The following RAB11FIP4 variants were observed in gnomAD, a reference collection of about 807,000 sequenced individuals.
RAB11FIP4 encodes RAB11 family interacting protein 4.
In RAB11FIP4, 23 loss-of-function variants were observed where a neutral mutation model predicts 74.3. The ratio of observed to expected loss-of-function variants is 0.31; its 90% CI spans 0.22 to 0.44. The LOEUF (loss-of-function observed/expected upper bound fraction) is 0.44. Among genes scored for constraint, RAB11FIP4 ranks in the 20% least tolerant of loss-of-function variants. The pLI is 1.00. For missense variants in RAB11FIP4, 630 were observed against 863.9 expected, an observed-to-expected ratio of 0.73 and a Z score of 3.39; for synonymous variants, 360 against 359.9, an observed-to-expected ratio of 1.00 and a Z score of 0.00.
chr17:31,413,721 C>G (rs769091554), intron 1 of RAB11FIP4, among the ~76,000 whole-genome samples: 2 of 152,150 alleles, frequency 1.3e-5, no homozygotes, highest in African/African-American at 4.8e-5. Context: ...CTGTCTGTCT[C>G]CTCTGGGCCC....
At chr17:31,398,133 G>C (rs182856026) in intron 1 of RAB11FIP4, among the ~76,000 whole-genome samples, 3 of 152,200 alleles carry the variant, frequency 2.0e-5, no homozygotes, top group Admixed American at 1.3e-4. Context: ...CCAACTCCGG[G>C]GTTCAAGCGA....
chr17:31,411,926 A>C lies in RAB11FIP4; in HGVS notation c.160-19887A>C, dbSNP rs558687703. ...TGAGACATAGACAGCCCCTCTGGCC[A>C]TCGTCCTTGCCTCAGTCGGGGCTCT... On this transcript the variant is annotated intron_variant, in intron 1 of 14. Coordinates refer to ENST00000621161, the MANE Select transcript of RAB11FIP4 (RefSeq NM_032932.6). 9.2e-5 allele frequency among the ~76,000 whole-genome samples: 14 copies of C among 152,374 alleles called. No individual in the cohort carries two copies. The East Asian group carries it at 2.7e-3, about 29-fold the overall frequency.
At chr17:31,437,419 G>T (rs1168953626) in intron 3 of RAB11FIP4, among the ~76,000 whole-genome samples, 1 of 152,136 alleles carries the variant, frequency 6.6e-6, no homozygotes, top group Admixed American at 6.5e-5. Context: ...TCTCAGGCCC[G>T]GCTCTCTGCG....
chr17:31,499,267 G>A (rs1479167812), intron 3 of RAB11FIP4, among the ~76,000 whole-genome samples: 1 of 152,186 alleles, frequency 6.6e-6, no homozygotes, highest in East Asian at 1.9e-4. Context: ...CTCCAAAGGG[G>A]AGTAAAGAGA....
At chr17:31,446,908 G>A (rs543391238) in intron 3 of RAB11FIP4, among the ~76,000 whole-genome samples, 1 of 152,318 alleles carries the variant, frequency 6.6e-6, no homozygotes, top group South Asian at 2.1e-4. Context: ...CCAGCACTTT[G>A]AGAGGCCCAG....
intron 13 of RAB11FIP4, among the ~76,000 whole-genome samples, chr17:31,529,682 C>T (rs1345665883): frequency 6.6e-6 from 1 of 152,164 alleles, no homozygotes; most frequent in Admixed American, 6.5e-5. Flanking sequence ...CTGCCTGACC[C>T]TGCAGGTGGA....
At chr17:31,399,432 G>C (rs1365682335) in intron 1 of RAB11FIP4, among the ~76,000 whole-genome samples, 1 of 152,102 alleles carries the variant, frequency 6.6e-6, no homozygotes, top group Non-Finnish European at 1.5e-5. Flanking sequence ...TTTATTCTAG[G>C]CCAGGTGTGG....
rs1374093880 is a variant in RAB11FIP4 at position 31,445,530 on chromosome 17, TTTTATA to T, written c.336+11410_336+11415del. 8.8e-3 allele frequency among the ~76,000 whole-genome samples: 323 copies of T among 36,724 alleles called. 10 individuals are homozygous for T. Among genetic ancestry groups the T allele is most frequent in the African/African-American group, 0.045 (315 of 6,994 alleles). 24.1% of individuals were successfully genotyped at this position (36,724 alleles called of 152,430 possible). On this transcript the variant is annotated intron_variant, in intron 3 of 14. Transcript: ENST00000621161. ...AAAATCTACATTCAAATTTTCCCAA[TTTTATA>T]TATATATATATATATATATATATAT...
At chr17:31,515,000 G>GC (rs924960708) in intron 3 of RAB11FIP4, among the ~76,000 whole-genome samples, 4 of 151,728 alleles carry the variant, frequency 2.6e-5, no homozygotes, top group African/African-American at 9.7e-5. Flanking sequence ...GGGGTGGGGG[G>GC]CCCTGCCCTG....
chr17:31,439,360 G>A (rs1234971504), intron 3 of RAB11FIP4, among the ~76,000 whole-genome samples: 2 of 152,154 alleles, frequency 1.3e-5, no homozygotes, highest in African/African-American at 4.8e-5. Context: ...TTTCCCCATG[G>A]CCTTCGCCAA....
chr17:31,400,321 T>C (rs1006158271), intron 1 of RAB11FIP4, among the ~76,000 whole-genome samples: 7 of 152,190 alleles, frequency 4.6e-5, no homozygotes, highest in African/African-American at 1.4e-4. Context: ...ACCTTGCATA[T>C]GTCTTGGAAA....
At chr17:31,520,959 G>A (rs1291193120) in intron 4 of RAB11FIP4, 2 of 373,144 alleles carry the variant, frequency 5.4e-6, no homozygotes, top group African/African-American at 4.1e-5. Flanking sequence ...GAGTAGCATG[G>A]GTAGAATTGG....
intron 1 of RAB11FIP4, among the ~76,000 whole-genome samples, chr17:31,395,198 C>T (rs905477084): frequency 2.6e-5 from 4 of 151,954 alleles, no homozygotes; most frequent in African/African-American, 7.3e-5. Flanking sequence ...AAATAAATAT[C>T]CATGAGGCCA....
At chr17:31,414,902 C>A (rs1165714029) in intron 1 of RAB11FIP4, among the ~76,000 whole-genome samples, 1 of 152,234 alleles carries the variant, frequency 6.6e-6, no homozygotes, top group Admixed American at 6.5e-5. Context: ...ACACAAGGGT[C>A]CAAGGTAGGG....
chr17:31,421,068 G>A (rs1319529802), intron 1 of RAB11FIP4, among the ~76,000 whole-genome samples: 2 of 152,054 alleles, frequency 1.3e-5, no homozygotes, highest in Non-Finnish European at 2.9e-5. Context: ...TAGGCAACAA[G>A]AGCAAAACTC....
chr17:31,528,828 C>A (rs576406054), intron 13 of RAB11FIP4, 50 bp downstream of exon 13: 2 of 1,564,310 alleles, frequency 1.3e-6, no homozygotes, highest in African/African-American at 2.7e-5. Flanking sequence ...CCGGGCCCAC[C>A]ACGTGGGTTT....
chr17:31,497,598 G>T (rs573401894), intron 3 of RAB11FIP4, among the ~76,000 whole-genome samples: 1 of 152,040 alleles, frequency 6.6e-6, no homozygotes, highest in Admixed American at 6.5e-5. Flanking sequence ...GGTGGGGTGG[G>T]CACCCAGTCG....
chr17:31,399,198 A>G (rs2070961041), intron 1 of RAB11FIP4, among the ~76,000 whole-genome samples: 1 of 152,110 alleles, frequency 6.6e-6, no homozygotes, highest in Admixed American at 6.5e-5. Flanking sequence ...CAGAAGGGGA[A>G]CCTGACAGCT....
chr17:31,531,567 C>A, intron 14 of RAB11FIP4, 49 bp from the exon 15 acceptor site: 1 of 1,266,468 alleles, frequency 7.9e-7, no homozygotes, highest in South Asian at 1.2e-5. Flanking sequence ...ACTCTGCCTG[C>A]ACCCTATCCC....
Sources: gnomAD v4.1 joint callset for allele counts (sites outside exome capture counted in the v4.1 genomes callset) on GRCh38, gnomAD v4.1.1 for gene constraint, MANE v1.5 for transcripts, NCBI Gene and HGNC (gene_info 2026-07-23, HGNC 2026-07-21) for gene names.